RBMS3: variants seen among roughly 807,000 people sequenced by gnomAD.
RBMS3 encodes RNA-binding motif, single-stranded-interacting protein 3.
Under a neutral mutation model 66.8 loss-of-function variants are expected in RBMS3, and 27 were observed. The observed-to-expected ratio is 0.40, with a 90% CI of 0.30 to 0.56. The LOEUF (loss-of-function observed/expected upper bound fraction) is 0.56. Among genes scored for constraint, RBMS3 ranks in the 20% least tolerant of loss-of-function variants. RBMS3 has a pLI of 0.40. For missense variants in RBMS3, 513 were observed against 549.5 expected (o/e 0.93, Z 0.66); for synonymous variants, 188 against 183.0 (o/e 1.03, Z -0.22).
chr3:29,729,994 G>T (rs1436595149), intron 4 of RBMS3, among the ~76,000 whole-genome samples: 3 of 151,660 alleles, frequency 2.0e-5, no homozygotes, highest in African/African-American at 7.3e-5. Context: ...TTTTCATATA[G>T]TAGGCAGTAT....
In RBMS3 at chr3:30,008,854, G is replaced by A. The variant is rs769285029; in HGVS notation, c.*4992G>A. 4.6e-5 allele frequency: 7 copies of A among 152,078 alleles called. No individual in the cohort carries two copies. Among genetic ancestry groups the A allele is most frequent in the East Asian group, 1.9e-4 (1 of 5,176 alleles). 9.4% of individuals were successfully genotyped at this position (152,078 alleles called of 1,614,324 possible). A position where few individuals can be genotyped will look rare whatever the true frequency, so the allele number is the denominator to read the frequency against. On this transcript the variant is annotated 3_prime_UTR_variant, in exon 15 of 15. Transcript: ENST00000383767. ...CCTTTGCGGATTACATAGCATTCAG[G>A]AAAGTACAAAAACTAAACACTAAAT...
At chr3:29,897,741 G>A (rs1269209122) in intron 9 of RBMS3, among the ~76,000 whole-genome samples, 1 of 151,494 alleles carries the variant, frequency 6.6e-6, no homozygotes, top group Non-Finnish European at 1.5e-5. Flanking sequence ...CCTTAATACA[G>A]CTCTCTCACC....
intron 4 of RBMS3, among the ~76,000 whole-genome samples, chr3:29,630,951 C>T (rs1010574419): frequency 1.3e-5 from 2 of 151,864 alleles, no homozygotes; most frequent in African/African-American, 4.8e-5. Flanking sequence ...GGTTTCAAAA[C>T]CATAACTTCA....
At chr3:29,824,964 A>G (rs981252889) in intron 6 of RBMS3, among the ~76,000 whole-genome samples, 1 of 152,024 alleles carries the variant, frequency 6.6e-6, no homozygotes, top group Non-Finnish European at 1.5e-5. Flanking sequence ...CAATTGGAAG[A>G]TAGTAAATGA....
intron 7 of RBMS3, among the ~76,000 whole-genome samples, chr3:29,883,321 G>A (rs898859778): frequency 3.3e-5 from 5 of 152,024 alleles, no homozygotes; most frequent in African/African-American, 1.2e-4. Flanking sequence ...GCCTCCAAAT[G>A]TGTGACCTTG....
intron 1 of RBMS3, among the ~76,000 whole-genome samples, chr3:29,370,992 G>T (rs1392031775): frequency 6.6e-6 from 1 of 152,192 alleles, no homozygotes; most frequent in Non-Finnish European, 1.5e-5. Flanking sequence ...GTACAAAAAT[G>T]TCTGAATGTC....
intron 4 of RBMS3, among the ~76,000 whole-genome samples, chr3:29,589,061 A>G (rs2047634235): frequency 6.6e-6 from 1 of 152,138 alleles, no homozygotes. Context: ...AAATGTCCTC[A>G]GAATATGTAT....
chr3:29,536,547 T>G (rs946096866), intron 3 of RBMS3, among the ~76,000 whole-genome samples: 1 of 152,204 alleles, frequency 6.6e-6, no homozygotes, highest in East Asian at 1.9e-4. Context: ...ACAATCTCTC[T>G]TCTATTTCTC....
intron 1 of RBMS3, among the ~76,000 whole-genome samples, chr3:29,378,329 G>C (rs7427633): frequency 0.61 from 93,009 of 151,782 alleles, 29,783 homozygotes; most frequent in Non-Finnish European, 0.72. Context: ...AAAATTAGCC[G>C]GGGGTGGTGG....
At chr3:29,551,077 C>T (rs2046165580) in intron 3 of RBMS3, among the ~76,000 whole-genome samples, 1 of 152,158 alleles carries the variant, frequency 6.6e-6, no homozygotes, top group Admixed American at 6.5e-5. Flanking sequence ...GAAACAATGT[C>T]TTTCACGTGA....
chr3:29,413,369 CATTCATA>C, intron 1 of RBMS3, among the ~76,000 whole-genome samples: 1 of 134,606 alleles, frequency 7.4e-6, no homozygotes, highest in Non-Finnish European at 1.6e-5. Context: ...AACTCCATCT[CATTCATA>C]CATACATACA....
In RBMS3 at chr3:29,669,583, C is replaced by T. The variant is rs144543239; in HGVS notation, c.400-70137C>T. Among the ~76,000 whole-genome samples the T allele has an allele frequency of 8.4e-4, 128 of 152,282 alleles. 1 individual carries two copies. The highest frequency in any genetic ancestry group is 3.0e-3 in the African/African-American group (123 of 41,556). On this transcript the variant is annotated intron_variant, in intron 4 of 14. Transcript: ENST00000383767. The stretch of plus-strand genomic sequence containing the variant: ...ATCCGCAAAATGAAGTCCGGAGTGA[C>T]TGGTAGATAAAAATTATTGATTTAA...
At chr3:29,608,290 G>A (rs28391795) in intron 4 of RBMS3, among the ~76,000 whole-genome samples, 22,223 of 151,602 alleles carry the variant, frequency 0.15, 1,868 homozygotes, top group East Asian at 0.32. Context: ...GTAATAAGAC[G>A]GAATATTCTG....
chr3:29,376,530 G>A (rs927315745), intron 1 of RBMS3, among the ~76,000 whole-genome samples: 2 of 152,118 alleles, frequency 1.3e-5, no homozygotes, highest in African/African-American at 4.8e-5. Context: ...CAGCACTTTG[G>A]GAGACTGAGG....
chr3:29,305,541 C>G (rs549683244), intron 1 of RBMS3, among the ~76,000 whole-genome samples: 1 of 152,022 alleles, frequency 6.6e-6, no homozygotes, highest in African/African-American at 2.4e-5. Context: ...GGGTAGTAAT[C>G]CCTTTGTCTC....
chr3:29,718,067 A>G (rs1273142252), intron 4 of RBMS3, among the ~76,000 whole-genome samples: 1 of 152,106 alleles, frequency 6.6e-6, no homozygotes, highest in Admixed American at 6.6e-5. Context: ...TTGGTTTCCT[A>G]TCTTTAGTAT....
At chr3:29,317,072 G>C (rs527665943) in intron 1 of RBMS3, among the ~76,000 whole-genome samples, 2 of 151,604 alleles carry the variant, frequency 1.3e-5, no homozygotes, top group African/African-American at 4.8e-5. Context: ...CGTTTTTAGG[G>C]ATAAAAGGAG....
chr3:29,729,207 G>T (rs1442717948), intron 4 of RBMS3, among the ~76,000 whole-genome samples: 1 of 125,802 alleles, frequency 7.9e-6, no homozygotes, highest in Non-Finnish European at 1.6e-5. Flanking sequence ...TGATCTCATT[G>T]TTCAGTTCCC....
chr3:29,459,301 TA>T (rs2042295134), intron 2 of RBMS3, among the ~76,000 whole-genome samples: 1 of 152,224 alleles, frequency 6.6e-6, no homozygotes, highest in Non-Finnish European at 1.5e-5. Flanking sequence ...GATAAACTAT[TA>T]GAGGTAAGGG....
Sources: allele counts gnomAD v4.1 joint callset (sites outside exome capture counted in the v4.1 genomes callset), GRCh38; gene constraint gnomAD v4.1.1; transcripts MANE v1.5; gene names NCBI Gene and HGNC (gene_info 2026-07-23, HGNC 2026-07-21).